USP24: variants seen among roughly 807,000 people sequenced by gnomAD.
USP24 encodes ubiquitin specific peptidase 24, also known as ubiquitin carboxyl-terminal hydrolase 24.
USP24 carries 97 observed loss-of-function variants against 361.6 expected under a neutral mutation model. The ratio of observed to expected loss-of-function variants is 0.27; its 90% confidence interval spans 0.23 to 0.32. The LOEUF is 0.32. USP24 is among the 10% of genes least tolerant of loss of function. The pLI is 1.00. For synonymous variants in USP24, 1,098 were observed against 1,124.6 expected (o/e 0.98, Z 0.47); for missense variants, 2,353 against 3,165.6 (o/e 0.74, Z 6.16).
intron 1 of USP24, among the ~76,000 whole-genome samples, chr1:55,212,297 T>C (rs1404077369): frequency 6.6e-6 from 1 of 152,250 alleles, no homozygotes; most frequent in African/African-American, 2.4e-5. Context: ...TGTCTTTCCC[T>C]CATTATTTCT....
chr1:55,144,824 C>T (rs1646984784), intron 20 of USP24, among the ~76,000 whole-genome samples: 1 of 152,086 alleles, frequency 6.6e-6, no homozygotes, highest in African/African-American at 2.4e-5. Flanking sequence ...ATCCCAGCTA[C>T]TCGGGAAGCT....
intron 5 of USP24, among the ~76,000 whole-genome samples, chr1:55,168,643 G>A (rs918453056): frequency 1.3e-5 from 2 of 152,140 alleles, no homozygotes; most frequent in African/African-American, 4.8e-5. Flanking sequence ...TACATCCTTG[G>A]TGTCAGATGA....
intron 6 of USP24, 83 bp from the exon 7 acceptor site, chr1:55,166,033 T>C: frequency 7.7e-7 from 1 of 1,301,488 alleles, no homozygotes; most frequent in South Asian, 1.5e-5. Flanking sequence ...ACATAGTAGG[T>C]GTATATGTTT....
chr1:55,142,451 T>C (rs1351894249), intron 23 of USP24, among the ~76,000 whole-genome samples: 1 of 152,142 alleles, frequency 6.6e-6, no homozygotes. Flanking sequence ...CTATTACAAA[T>C]ATGGAATGTA....
At chr1:55,114,131 T>A (rs980806752) in intron 38 of USP24, among the ~76,000 whole-genome samples, 8 of 152,098 alleles carry the variant, frequency 5.3e-5, no homozygotes, top group Non-Finnish European at 1.5e-5. Context: ...ATGAGTGAAC[T>A]CCCATTCACA....
chr1:55,189,316 A>G (rs764723007), intron 1 of USP24, among the ~76,000 whole-genome samples: 1 of 152,222 alleles, frequency 6.6e-6, no homozygotes, highest in Non-Finnish European at 1.5e-5. Context: ...ATATCCATAC[A>G]ATGAAGTATT....
At chr1:55,176,807 C>A (rs1650026713) in intron 2 of USP24, among the ~76,000 whole-genome samples, 1 of 151,994 alleles carries the variant, frequency 6.6e-6, no homozygotes, top group Non-Finnish European at 1.5e-5. Flanking sequence ...TATTATTTCC[C>A]TAAAAAGTTC....
intron 58 of USP24, among the ~76,000 whole-genome samples, chr1:55,081,869 G>C (rs1190132854): frequency 6.6e-6 from 1 of 152,206 alleles, no homozygotes; most frequent in Non-Finnish European, 1.5e-5. Context: ...TATTAAAAGT[G>C]AAAATGTTTT....
At chr1:55,175,671 G>A (rs1649911860) in intron 3 of USP24, among the ~76,000 whole-genome samples, 1 of 152,188 alleles carries the variant, frequency 6.6e-6, no homozygotes, top group Non-Finnish European at 1.5e-5. Context: ...CTCTTTCTAT[G>A]AGCTAGGCAC....
At chr1:55,135,611 TA>T (rs1646711396) in intron 28 of USP24, among the ~76,000 whole-genome samples, 1 of 152,222 alleles carries the variant, frequency 6.6e-6, no homozygotes, top group Admixed American at 6.5e-5. Context: ...TCTAAAATCC[TA>T]AAGACTACTC....
rs192996851 is a variant in USP24, at chr1:55,192,829, A to G, written c.325-14697T>C. Among the ~76,000 whole-genome samples the G allele has an allele frequency of 3.5e-4, 54 of 152,358 alleles. No homozygotes were observed. In the South Asian group the frequency reaches 6.8e-3, roughly 19 times the overall value. On this transcript the variant is annotated intron_variant, in intron 1 of 67. Coordinates refer to ENST00000294383, the MANE Select transcript of USP24 (RefSeq NM_015306.3). The stretch of plus-strand genomic sequence containing the variant: ...CCATGTATGAATACATTGTGTCTGA[A>G]GTCTGCAAATGTTTTCCTGGAATGC...
chr1:55,081,199 A>C, intron 59 of USP24, 123 bp downstream of exon 59: 1 of 939,330 alleles, frequency 1.1e-6, no homozygotes, highest in South Asian at 1.8e-5. Flanking sequence ...AAAAATTTTA[A>C]GTGCACCTCA....
Position 55,092,005 on chromosome 1 carries a change from A to G in USP24, c.6554+18T>C, listed in dbSNP as rs768361253. 5.0e-5 allele frequency: 78 copies of G among 1,572,668 alleles called. No individual in the cohort carries two copies. Among genetic ancestry groups the G allele is most frequent in the Non-Finnish European group, 5.6e-5 (64 of 1,149,330 alleles). ...TGCCCTCTGTCACAACAGATTATCA[A>G]AACATATCACTTCTCACCTGAGTTT... On this transcript the variant is annotated intron_variant, in intron 54 of 67. Transcript: ENST00000294383.
At chr1:55,102,284 T>C (rs911990741) in intron 42 of USP24, among the ~76,000 whole-genome samples, 1 of 152,218 alleles carries the variant, frequency 6.6e-6, no homozygotes, top group South Asian at 2.1e-4. Context: ...AGTAAACATA[T>C]AATTAAATAG....
intron 44 of USP24, among the ~76,000 whole-genome samples, chr1:55,100,177 T>A (rs1052094076): frequency 1.3e-4 from 20 of 152,210 alleles, no homozygotes; most frequent in Admixed American, 5.9e-4. Flanking sequence ...CTCCAATATG[T>A]GAAACACAGT....
chr1:55,085,836 T>C (rs897613425), intron 56 of USP24, 106 bp downstream of exon 56: 1 of 1,155,810 alleles, frequency 8.7e-7, no homozygotes, highest in Non-Finnish European at 1.2e-6. Flanking sequence ...TGTATTTATG[T>C]GGCAAAATTA....
chr1:55,146,225 T>A, intron 19 of USP24, 116 bp from the exon 20 acceptor site: 1 of 618,082 alleles, frequency 1.6e-6, no homozygotes, highest in Non-Finnish European at 2.7e-6. Context: ...ACTGTCAAAA[T>A]ACCACTCAAA....
chr1:55,077,168 T>C (rs1645046141), intron 62 of USP24, 67 bp downstream of exon 62: 1 of 1,313,484 alleles, frequency 7.6e-7, no homozygotes, highest in African/African-American at 1.5e-5. Flanking sequence ...ATATAATTTT[T>C]TATTTATAAA....
intron 35 of USP24, among the ~76,000 whole-genome samples, chr1:55,123,807 T>C (rs916364693): frequency 6.6e-6 from 1 of 152,206 alleles, no homozygotes; most frequent in Admixed American, 6.5e-5. Flanking sequence ...GCAATCAAAA[T>C]GTGTTCACAA....
Sources: gnomAD v4.1 joint callset for allele counts (sites outside exome capture counted in the v4.1 genomes callset) on GRCh38, gnomAD v4.1.1 for gene constraint, MANE v1.5 for transcripts, NCBI Gene and HGNC (gene_info 2026-07-23, HGNC 2026-07-21) for gene names.